The following MEF2D variants were observed in gnomAD, a reference collection of about 807,000 sequenced individuals.
MEF2D encodes the protein myocyte-specific enhancer factor 2D.
Under a neutral mutation model 59.3 loss-of-function variants are expected in MEF2D, and 10 were observed. The ratio of observed to expected loss-of-function variants is 0.17; its 90% CI spans 0.10 to 0.29. The LOEUF is 0.29. MEF2D is among the 10% of genes least tolerant of loss of function. The pLI is 1.00. For synonymous variants in MEF2D, 305 were observed against 295.0 expected (o/e 1.03, Z -0.35); for missense variants, 508 against 699.4 (o/e 0.73, Z 3.09).
At chr1:156,494,868 G>A (rs1014275080) in intron 1 of MEF2D, among the ~76,000 whole-genome samples, 1 of 152,204 alleles carries the variant, frequency 6.6e-6, no homozygotes, top group African/African-American at 2.4e-5. Context: ...CTGGATGGGA[G>A]TGGGAGGGAG....
intron 3 of MEF2D, 64 bp downstream of exon 3, chr1:156,482,373 G>A (rs1018334278): frequency 3.8e-6 from 6 of 1,561,984 alleles, no homozygotes; most frequent in East Asian, 2.2e-5. Context: ...TACATGCAAC[G>A]TGGGCACGTG....
At chr1:156,475,039 C>A in intron 9 of MEF2D, 69 bp downstream of exon 9, 1 of 1,608,308 alleles carries the variant, frequency 6.2e-7, no homozygotes, top group Non-Finnish European at 8.5e-7. Flanking sequence ...GGATAACTAG[C>A]ATTTCTGTCT....
rs771586008 is a variant in MEF2D at position 156,482,652 on chromosome 1, G to A, written c.55-12C>T. 1 of 1,614,038 alleles carries A rather than the reference G, an allele frequency of 6.2e-7. No homozygotes were observed. The highest frequency in any genetic ancestry group is 8.5e-7 in the Non-Finnish European group (1 of 1,179,886). The stretch of plus-strand genomic sequence containing the variant: ...TTGGTGAAAGTCACCTGCAGAGAAG[G>A]ATGGGTGGGCGGCCAGATCTGGCTC... On this transcript the variant is annotated splice_polypyrimidine_tract_variant and intron_variant, in intron 2 of 11. Transcript: ENST00000348159.
chr1:156,476,398 C>T (rs914442545), intron 8 of MEF2D, 96 bp downstream of exon 8: 11 of 1,411,802 alleles, frequency 7.8e-6, no homozygotes, highest in African/African-American at 4.2e-5. Context: ...CACGCACAGG[C>T]GAGAGGCCAA....
chr1:156,486,959 T>C (rs1291573466), intron 1 of MEF2D, among the ~76,000 whole-genome samples: 1 of 152,174 alleles, frequency 6.6e-6, no homozygotes, highest in Non-Finnish European at 1.5e-5. Context: ...ACCCTTGCTC[T>C]CCCAACTGCC....
chr1:156,478,535 T>C (rs1232808466), intron 6 of MEF2D, among the ~76,000 whole-genome samples: 1 of 152,052 alleles, frequency 6.6e-6, no homozygotes, highest in Non-Finnish European at 1.5e-5. Context: ...TGTGGCTTAT[T>C]TTTTTATTTT....
intron 9 of MEF2D, among the ~76,000 whole-genome samples, chr1:156,473,839 C>T (rs2102030795): frequency 6.6e-6 from 1 of 152,354 alleles, no homozygotes; most frequent in African/African-American, 2.4e-5. Context: ...CATTCCACCA[C>T]CATGCCAAAA....
In MEF2D at chr1:156,465,775, G is replaced by A. The variant is rs1670802765; in HGVS notation, c.*1870C>T. 1 of 152,156 alleles carries A rather than the reference G, an allele frequency of 6.6e-6. No individual in the cohort carries two copies. Among genetic ancestry groups the A allele is most frequent in the Non-Finnish European group, 1.5e-5 (1 of 68,052 alleles). 9.4% of individuals were successfully genotyped at this position (152,156 alleles called of 1,614,324 possible). ...CACTCAGGTACACGTGTGTACCTGC[G>A]TAGAGGCCCCTCTGCTTCTGGTTCC... On this transcript the variant is annotated 3_prime_UTR_variant, in exon 12 of 12. Coordinates refer to ENST00000348159, the MANE Select transcript of MEF2D (RefSeq NM_005920.4).
At position 156,468,161 on chromosome 1, in the gene MEF2D, G is replaced by C; in HGVS notation, c.1386C>G (p.Ala462=). 1 of 1,613,920 alleles carries C rather than the reference G, an allele frequency of 6.2e-7. No homozygotes were observed. The highest frequency in any genetic ancestry group is 8.5e-7 in the Non-Finnish European group (1 of 1,179,842). Residue 462 remains alanine, a synonymous_variant, in exon 11 of 12, where the codon GCC becomes GCG. Transcript: ENST00000348159. The surrounding 1 kb of genome is among the most constrained non-coding windows in gnomAD (Gnocchi z 4.3). ...APPPPAVFPA[A]RPEPGDGLSS... is the part of the protein sequence containing the mutation. ...TGAGACCATCGCCAGGCTCAGGGCG[G>C]GCAGCTGGGAACACAGCTGGAGGGG...
At chr1:156,483,459 T>C (rs1053356068) in intron 1 of MEF2D, 29 bp from the exon 2 acceptor site, 9 of 648,924 alleles carry the variant, frequency 1.4e-5, no homozygotes, top group African/African-American at 1.3e-4. Context: ...GAGAGGTCTC[T>C]GAGCCCCCAA....
chr1:156,498,101 T>TAAA (rs5777987), intron 1 of MEF2D, among the ~76,000 whole-genome samples: 1,923 of 56,038 alleles, frequency 0.034, 297 homozygotes, highest in African/African-American at 0.14. Context: ...CAGGAAAGAT[T>TAAA]AAAAAAAAAA....
chr1:156,467,933 C>T (rs529823795), intron 11 of MEF2D, 60 bp downstream of exon 11: 15 of 1,548,148 alleles, frequency 9.7e-6, no homozygotes, highest in African/African-American at 1.4e-5. Flanking sequence ...TTAGGGGGCA[C>T]GCGGGGCAGT....
chr1:156,497,767 G>GC (rs944385231), intron 1 of MEF2D, among the ~76,000 whole-genome samples: 1 of 152,160 alleles, frequency 6.6e-6, no homozygotes, highest in African/African-American at 2.4e-5. Context: ...CACCAGGCCA[G>GC]CGTAAGTCCT....
At position 156,475,168 on chromosome 1, in the gene MEF2D, T is replaced by C; in HGVS notation, c.946A>G (p.Thr316Ala). 1.9e-6 allele frequency: 3 copies of C among 1,614,192 alleles called. No homozygotes were observed. Among genetic ancestry groups the C allele is most frequent in the Non-Finnish European group, 2.5e-6 (3 of 1,180,028 alleles). ...SLTTPVVSVA[T>A]PSLLSQGLPF... ...AGGCCCTGGCTGAGTAAACTCGGCG[T>C]TGCCACAGAAACCACTGGGGTGGTG... is the stretch of plus-strand genomic sequence containing the variant. The change falls in exon 9 of 12, where the codon ACG becomes GCG. Residue 316 changes from threonine to alanine, a missense_variant. Coordinates refer to ENST00000348159, the MANE Select transcript of MEF2D (RefSeq NM_005920.4).
rs1571240741 is a variant in MEF2D at position 156,480,587 on chromosome 1, G to C, written c.396+247C>G. 4 of 1,497,162 alleles carry C rather than the reference G, an allele frequency of 2.7e-6. No homozygotes were observed. The East Asian group carries it at 9.9e-5, about 37-fold the overall frequency. 92.7% of individuals were successfully genotyped at this position (1,497,162 alleles called of 1,614,324 possible). A position where few individuals can be genotyped will look rare whatever the true frequency, so the allele number is the denominator to read the frequency against. On this transcript the variant is annotated intron_variant, in intron 4 of 11. Transcript: ENST00000348159. ...CACCCATCAGGGCAGCCGAGAGCCA[G>C]GGCGCGAAGCCACACCATGCACCAC...
chr1:156,483,725 G>A (rs1384557693), intron 1 of MEF2D, among the ~76,000 whole-genome samples: 1 of 152,214 alleles, frequency 6.6e-6, no homozygotes, highest in East Asian at 1.9e-4. Flanking sequence ...AATATCCCAT[G>A]GCCCATTCTT....
chr1:156,470,046 C>T (rs1239255045), intron 9 of MEF2D, among the ~76,000 whole-genome samples: 1 of 152,250 alleles, frequency 6.6e-6, no homozygotes, highest in African/African-American at 2.4e-5. Context: ...TCCAGCAGAT[C>T]TCCCCATGAG....
chr1:156,471,493 G>C (rs545850274), intron 9 of MEF2D, among the ~76,000 whole-genome samples: 1 of 152,192 alleles, frequency 6.6e-6, no homozygotes, highest in Non-Finnish European at 1.5e-5. Context: ...ACAGTGCCTT[G>C]CCCAAGGCCC....
In MEF2D at chr1:156,468,790, TGA is replaced by T. The variant is rs2101983171; in HGVS notation, c.1235_1236del (p.Leu412GlnfsTer36). 6.2e-7 allele frequency: 1 copy of T among 1,611,656 alleles called. No individual in the cohort carries two copies. Among genetic ancestry groups the T allele is most frequent in the Non-Finnish European group, 8.5e-7 (1 of 1,177,978 alleles). On this transcript the variant is annotated frameshift_variant, in exon 10 of 12. Coordinates refer to ENST00000348159, the MANE Select transcript of MEF2D (RefSeq NM_005920.4). LOFTEE classifies it high-confidence loss of function. This position sits in a 1 kb window ranked among gnomAD's most constrained non-coding sequence, Gnocchi z 4.3. ...QQQSHLVPVSLSNLIPGSPLP... is the reference protein window; with the variant it reads ...QQQSHLVPVSXSNLIPGSPLP... ...CTCCCCAGGACTCACATGAGGTTGC[TGA>T]GAGATACAGGGACCAGGTGGGACTG...
Sources: allele counts gnomAD v4.1 joint callset (sites outside exome capture counted in the v4.1 genomes callset), GRCh38; gene constraint gnomAD v4.1.1; non-coding constraint Gnocchi (gnomAD v3.1); transcripts MANE v1.5; gene names NCBI Gene and HGNC (gene_info 2026-07-23, HGNC 2026-07-21).